Variants in PCDHGB4 observed in about 807,000 individuals in gnomAD.
The protein encoded by PCDHGB4 is protocadherin gamma-B4.
In PCDHGB4, 38 loss-of-function variants were observed where a neutral mutation model predicts 60.5. The ratio of observed to expected loss-of-function variants is 0.63; its 90% CI spans 0.48 to 0.82. The LOEUF is 0.82. Among genes scored for constraint, PCDHGB4 ranks in the 40% least tolerant of loss-of-function variants. PCDHGB4 has a pLI of 0.00. For synonymous variants in PCDHGB4, 456 were observed against 509.7 expected, an observed-to-expected ratio of 0.89 and a Z score of 1.42; for missense variants, 1,109 against 1,209.6, an observed-to-expected ratio of 0.92 and a Z score of 1.23.
Position 141,477,393 on chromosome 5 carries a change from G to A in PCDHGB4, c.2398-17414G>A, listed in dbSNP as rs1397453429. On this transcript the variant is annotated intron_variant, in intron 1 of 3. Transcript: ENST00000519479. This position sits in a 1 kb window ranked among gnomAD's most constrained non-coding sequence, Gnocchi z 4.9. The stretch of plus-strand genomic sequence containing the variant: ...GAGACTGTGCCAGAATACAACCTCA[G>A]CATCACCGCCCGAGACGCCGGAACC... The A allele has an allele frequency of 5.6e-6, 9 of 1,614,098 alleles. No individual in the cohort carries two copies. Among genetic ancestry groups the A allele is most frequent in the Non-Finnish European group, 7.6e-6 (9 of 1,180,028 alleles).
chr5:141,423,603 C>G, intron 1 of PCDHGB4: 1 of 1,612,584 alleles, frequency 6.2e-7, no homozygotes. Flanking sequence ...GCGAGCCACT[C>G]TTGATAGCTG....
At chr5:141,461,689 A>G (rs2099020485) in intron 1 of PCDHGB4, among the ~76,000 whole-genome samples, 1 of 152,120 alleles carries the variant, frequency 6.6e-6, no homozygotes, top group Admixed American at 6.6e-5. Context: ...GTTTATTTTG[A>G]GACAGAGTTT....
chr5:141,487,006 G>A lies in PCDHGB4; in HGVS notation c.2398-7801G>A. ...ATGCTTGGGTTTCCTATCAGCTCCT[G>A]GAGGCCCCAGATCCCAGCCTGTTTG... On this transcript the variant is annotated intron_variant, in intron 1 of 3. Transcript: ENST00000519479. This position sits in a 1 kb window ranked among gnomAD's most constrained non-coding sequence, Gnocchi z 5.0. 1 of 1,614,206 alleles carries A rather than the reference G, an allele frequency of 6.2e-7. No homozygotes were observed. The highest frequency in any genetic ancestry group is 8.5e-7 in the Non-Finnish European group (1 of 1,180,042).
At chr5:141,422,997 C>T (rs114907564) in intron 1 of PCDHGB4, 28,679 of 1,614,218 alleles carry the variant, frequency 0.018, 311 homozygotes, top group Non-Finnish European at 0.021. Context: ...ACCTGGTGAC[C>T]AAGGTGGTTG....
At position 141,487,510 on chromosome 5, in the gene PCDHGB4, C is replaced by A; in HGVS notation, c.2398-7297C>A. On this transcript the variant is annotated intron_variant, in intron 1 of 3. Transcript: ENST00000519479. The surrounding 1 kb of genome is among the most constrained non-coding windows in gnomAD (Gnocchi z 5.0). ...GCTGTACACCCTTGGCTTCTGCACC[C>A]ACTCGGAGTGATAGCTTCATGATGG... is the stretch of plus-strand genomic sequence containing the variant. The A allele has an allele frequency of 6.2e-7, 1 of 1,614,210 alleles. No homozygotes were observed. Among genetic ancestry groups the A allele is most frequent in the Non-Finnish European group, 8.5e-7 (1 of 1,180,042 alleles).
chr5:141,428,108 G>C (rs771684309), intron 1 of PCDHGB4: 6 of 1,608,094 alleles, frequency 3.7e-6, no homozygotes, highest in Admixed American at 1.7e-5. Context: ...ACGTGCTGCA[G>C]GCCATCGAGC....
At chr5:141,409,448 C>T in intron 1 of PCDHGB4, 1 of 1,613,546 alleles carries the variant, frequency 6.2e-7, no homozygotes, top group Non-Finnish European at 8.5e-7. Context: ...AGAGCAGACA[C>T]CAGAATACAA....
At chr5:141,478,339 C>A in intron 1 of PCDHGB4, 1 of 1,613,918 alleles carries the variant, frequency 6.2e-7, no homozygotes, top group Admixed American at 1.7e-5. Flanking sequence ...CAGGGCCCTC[C>A]TTGCACGCGG....
intron 1 of PCDHGB4, among the ~76,000 whole-genome samples, chr5:141,465,824 T>A (rs1447359333): frequency 6.6e-6 from 1 of 152,076 alleles, no homozygotes; most frequent in Non-Finnish European, 1.5e-5. Context: ...ATCACATTTG[T>A]TTAAAATTTC....
intron 3 of PCDHGB4, among the ~76,000 whole-genome samples, chr5:141,509,952 C>T (rs954730777): frequency 7.2e-5 from 11 of 152,186 alleles, no homozygotes; most frequent in African/African-American, 2.2e-4. Flanking sequence ...CAAATGCTAC[C>T]GGGTATGGCC....
chr5:141,503,528 G>A (rs1411240550), intron 2 of PCDHGB4, among the ~76,000 whole-genome samples: 2 of 151,470 alleles, frequency 1.3e-5, no homozygotes, highest in Non-Finnish European at 2.9e-5. Flanking sequence ...GAACCTGGGA[G>A]GCAGAGGTTG....
At chr5:141,421,222 C>T in intron 1 of PCDHGB4, 1 of 1,576,946 alleles carries the variant, frequency 6.3e-7, no homozygotes, top group Non-Finnish European at 8.6e-7. Flanking sequence ...CGGCTTAGAG[C>T]CTGCCATGGC....
At chr5:141,410,830 G>T in intron 1 of PCDHGB4, 11 of 332,874 alleles carry the variant, frequency 3.3e-5, no homozygotes, top group East Asian at 5.9e-5. Context: ...TCACCAGACT[G>T]AAGATATTTT....
intron 1 of PCDHGB4, chr5:141,400,486 CT>C: frequency 1.2e-6 from 2 of 1,614,034 alleles, no homozygotes; most frequent in African/African-American, 1.3e-5. Context: ...CTTATTTCCA[CT>C]TTGTAATTCC....
At chr5:141,399,393 CAG>C (rs1335804490) in intron 1 of PCDHGB4, 1 of 1,613,976 alleles carries the variant, frequency 6.2e-7, no homozygotes, top group Non-Finnish European at 8.5e-7. Flanking sequence ...CAGCCACAGA[CAG>C]GGGCAAGCCG....
intron 1 of PCDHGB4, among the ~76,000 whole-genome samples, chr5:141,459,221 G>A (rs1028895845): frequency 9.2e-5 from 14 of 152,154 alleles, no homozygotes; most frequent in African/African-American, 3.1e-4. Flanking sequence ...TCCAGCTCCA[G>A]GCAACAACTG....
rs202162316 is a variant in PCDHGB4, at chr5:141,490,194, T to C, written c.2398-4613T>C. ...TTGAGGAGTCACGTTTCTATGAAAT[T>C]CATGCAAGAGCCCGTGACCAGGGAC... is the stretch of plus-strand genomic sequence containing the variant. On this transcript the variant is annotated intron_variant, in intron 1 of 3. Transcript: ENST00000519479. The surrounding 1 kb of genome is among the most constrained non-coding windows in gnomAD (Gnocchi z 5.4). The C allele has an allele frequency of 8.1e-6, 13 of 1,614,186 alleles. No individual in the cohort carries two copies. The highest frequency in any genetic ancestry group is 1.1e-5 in the Non-Finnish European group (13 of 1,180,030).
rs1264850198 is a variant in PCDHGB4 at position 141,389,008 on chromosome 5, G to C, written c.1124G>C (p.Arg375Thr). ...ALLKVRDKDS[R>T]HNGEVTCKLE... The stretch of plus-strand genomic sequence containing the variant: ...CTCAAAGTCCGTGACAAGGATTCCA[G>C]ACACAATGGAGAAGTGACTTGTAAA... The change falls in exon 1 of 4, where the codon AGA becomes ACA. Residue 375 changes from arginine to threonine, a missense_variant. By Grantham distance (71) the Arg-to-Thr change is moderately conservative. This residue lies in a region of PCDHGB4 where 1,068 missense variants were observed against 1,089.9 expected (regional missense o/e 0.98). Transcript: ENST00000519479. 1 of 1,613,992 alleles carries C rather than the reference G, an allele frequency of 6.2e-7. No individual in the cohort carries two copies. Among genetic ancestry groups the C allele is most frequent in the Admixed American group, 1.7e-5 (1 of 60,022 alleles).
intron 1 of PCDHGB4, chr5:141,404,948 G>A (rs756928954): frequency 3.1e-6 from 5 of 1,613,838 alleles, no homozygotes; most frequent in African/African-American, 1.3e-5. Flanking sequence ...AGCCATAGCT[G>A]ACAGCATCCC....
Sources: allele counts gnomAD v4.1 joint callset (sites outside exome capture counted in the v4.1 genomes callset), GRCh38; gene constraint gnomAD v4.1.1; regional missense constraint gnomAD v4.1.1; non-coding constraint Gnocchi (gnomAD v3.1); transcripts MANE v1.5; gene names NCBI Gene and HGNC (gene_info 2026-07-23, HGNC 2026-07-21).